Variants in LINGO2 observed in about 807,000 individuals in gnomAD.
LINGO2 encodes leucine rich repeat and Ig domain containing 2.
A neutral mutation model predicts 30.6 loss-of-function variants in LINGO2; 14 were observed. That is an observed-to-expected ratio of 0.46 (90% CI 0.30 to 0.72). LINGO2 has a LOEUF of 0.72. Among genes scored for constraint, LINGO2 ranks in the 30% least tolerant of loss-of-function variants. The probability of loss-of-function intolerance (pLI) is 0.07; values close to 1 mark genes in which losing one functional copy is unlikely to be tolerated. For synonymous variants in LINGO2, 317 were observed against 288.5 expected, an observed-to-expected ratio of 1.10 and a Z score of -1.00; for missense variants, 729 against 751.7, an observed-to-expected ratio of 0.97 and a Z score of 0.35.
chr9:28,522,478 T>C lies in LINGO2; in HGVS notation c.-364-46453A>G, dbSNP rs113798977. On this transcript the variant is annotated intron_variant, in intron 1 of 5. Coordinates refer to ENST00000379992, the Ensembl canonical transcript of LINGO2. ...GTTCTGAGAGGCAAATAAAGTATGA[T>C]TGTATTTTAAAGAAACACTCCATCA... 2.8e-3 allele frequency among the ~76,000 whole-genome samples: 426 copies of C among 152,278 alleles called. 4 individuals are homozygous for C. The highest frequency in any genetic ancestry group is 9.7e-3 in the African/African-American group (403 of 41,554).
At chr9:28,397,223 A>G (rs1256657724) in intron 2 of LINGO2, among the ~76,000 whole-genome samples, 2 of 152,066 alleles carry the variant, frequency 1.3e-5, no homozygotes, top group African/African-American at 2.4e-5. Context: ...CAGTAAAAGT[A>G]GAATAGGATC....
intron 2 of LINGO2, among the ~76,000 whole-genome samples, chr9:28,415,010 ATTAT>A (rs1210644897): frequency 1.3e-5 from 2 of 152,124 alleles, no homozygotes; most frequent in African/African-American, 4.8e-5. Context: ...ATTGTAGAAA[ATTAT>A]TTAATGGTAT....
At chr9:28,009,713 C>A (rs1822459628) in intron 5 of LINGO2, among the ~76,000 whole-genome samples, 1 of 152,090 alleles carries the variant, frequency 6.6e-6, no homozygotes, top group Admixed American at 6.5e-5. Context: ...CAGATAGCAA[C>A]AAGTGTTGAC....
intron 2 of LINGO2, among the ~76,000 whole-genome samples, chr9:28,449,599 C>T (rs1824568332): frequency 1.3e-5 from 2 of 152,074 alleles, no homozygotes; most frequent in Admixed American, 6.6e-5. Flanking sequence ...AACAAACAAA[C>T]CAAAATCCCA....
At chr9:28,219,517 GAAT>G (rs1820885496) in intron 4 of LINGO2, among the ~76,000 whole-genome samples, 1 of 152,078 alleles carries the variant, frequency 6.6e-6, no homozygotes, top group South Asian at 2.1e-4. Flanking sequence ...GAAGCAATGT[GAAT>G]ACCTATTCCT....
chr9:29,192,513 A>T, the LINGO2 span, among the ~76,000 whole-genome samples: 2 of 152,200 alleles, frequency 1.3e-5, no homozygotes, highest in Non-Finnish European at 2.9e-5. Flanking sequence ...AAACACAACT[A>T]ATCTCTTATA....
chr9:27,977,825 C>A (rs1294389857), intron 5 of LINGO2, among the ~76,000 whole-genome samples: 2 of 151,508 alleles, frequency 1.3e-5, no homozygotes, highest in Admixed American at 1.3e-4. Flanking sequence ...AGAAACAATT[C>A]ATGTGAAAGA....
the LINGO2 span, among the ~76,000 whole-genome samples, chr9:29,095,988 C>CA: frequency 7.8e-3 from 1,021 of 130,540 alleles, 152 homozygotes; most frequent in African/African-American, 0.026. Context: ...TTAAAGTATA[C>CA]AAAAAAAAAA....
At chr9:28,600,979 AAT>A (rs1355679455) in intron 1 of LINGO2, among the ~76,000 whole-genome samples, 1 of 152,158 alleles carries the variant, frequency 6.6e-6, no homozygotes, top group African/African-American at 2.4e-5. Flanking sequence ...AATAAAAATT[AAT>A]ATGTTTTGCT....
chr9:28,986,711 T>A, the LINGO2 span, among the ~76,000 whole-genome samples: 2 of 151,998 alleles, frequency 1.3e-5, no homozygotes, highest in Non-Finnish European at 2.9e-5. Context: ...ACACCTAAAC[T>A]GCCAAACATC....
At chr9:28,096,959 A>T (rs1318374971) in intron 4 of LINGO2, among the ~76,000 whole-genome samples, 1 of 152,190 alleles carries the variant, frequency 6.6e-6, no homozygotes, top group African/African-American at 2.4e-5. Flanking sequence ...GATAAAAAGG[A>T]ACTTATTTAT....
intron 4 of LINGO2, among the ~76,000 whole-genome samples, chr9:28,245,067 G>A (rs1323983324): frequency 2.6e-5 from 4 of 152,100 alleles, no homozygotes; most frequent in African/African-American, 9.7e-5. Flanking sequence ...TCAAATACTG[G>A]CAAACCAAAT....
chr9:28,773,076 C>T, the LINGO2 span, among the ~76,000 whole-genome samples: 11 of 152,096 alleles, frequency 7.2e-5, no homozygotes, highest in African/African-American at 2.4e-4. Context: ...CAAAAGTGAC[C>T]TACATACGGC....
chr9:29,107,063 G>C, the LINGO2 span, among the ~76,000 whole-genome samples: 2 of 152,112 alleles, frequency 1.3e-5, no homozygotes, highest in Admixed American at 6.5e-5. Flanking sequence ...AGTATAAAAT[G>C]CTCTTACATG....
At chr9:28,238,151 AAGAGAGAGAG>A (rs34878831) in intron 4 of LINGO2, among the ~76,000 whole-genome samples, 1 of 150,046 alleles carries the variant, frequency 6.7e-6, no homozygotes, top group African/African-American at 2.4e-5. Flanking sequence ...ATTAGAACTA[AAGAGAGAGAG>A]AGAGAGAGAT....
chr9:28,384,925 T>G (rs1264522616), intron 2 of LINGO2, among the ~76,000 whole-genome samples: 2 of 152,136 alleles, frequency 1.3e-5, no homozygotes, highest in Non-Finnish European at 2.9e-5. Context: ...ACTCCACTGT[T>G]TTCTTGTATC....
intron 1 of LINGO2, among the ~76,000 whole-genome samples, chr9:28,558,855 G>T (rs1256091720): frequency 6.6e-6 from 1 of 151,824 alleles, no homozygotes; most frequent in Non-Finnish European, 1.5e-5. Context: ...CTGGTCTATT[G>T]CATCCTTAGA....
At chr9:28,547,457 T>C (rs1211501336) in intron 1 of LINGO2, among the ~76,000 whole-genome samples, 5 of 152,122 alleles carry the variant, frequency 3.3e-5, no homozygotes, top group African/African-American at 4.8e-5. Context: ...TAACTAGAGA[T>C]AGCAACTTTG....
chr9:28,919,338 T>A, the LINGO2 span, among the ~76,000 whole-genome samples: 1 of 152,166 alleles, frequency 6.6e-6, no homozygotes, highest in African/African-American at 2.4e-5. Flanking sequence ...TTACTACATT[T>A]TCTGCCTCAG....
Sources: gnomAD v4.1 joint callset for allele counts (sites outside exome capture counted in the v4.1 genomes callset) on GRCh38, gnomAD v4.1.1 for gene constraint, MANE v1.5 for transcripts, NCBI Gene and HGNC (gene_info 2026-07-23, HGNC 2026-07-21) for gene names.